The following ZNF804B variants were observed in gnomAD, a reference collection of about 807,000 sequenced individuals.
ZNF804B encodes the protein zinc finger protein 804B.
A neutral mutation model predicts 101.4 loss-of-function variants in ZNF804B; 80 were observed. That is an observed-to-expected ratio of 0.79 (90% CI 0.66 to 0.95). The LOEUF (loss-of-function observed/expected upper bound fraction) is 0.95. Ranked by LOEUF, ZNF804B falls within the 40% of genes least tolerant of loss-of-function variation. The pLI is 0.00. For synonymous variants in ZNF804B, 622 were observed against 558.8 expected (o/e 1.11, Z -1.59); for missense variants, 1,673 against 1,561.9 (o/e 1.07, Z -1.20).
intron 1 of ZNF804B, among the ~76,000 whole-genome samples, chr7:88,916,775 T>C (rs1444294880): frequency 1.3e-5 from 2 of 152,186 alleles, no homozygotes; most frequent in Non-Finnish European, 2.9e-5. Context: ...TTCAAAGACA[T>C]ATTGTAATAT....
At chr7:89,019,610 A>G (rs1584077103) in intron 1 of ZNF804B, among the ~76,000 whole-genome samples, 1 of 152,170 alleles carries the variant, frequency 6.6e-6, no homozygotes, top group East Asian at 1.9e-4. Context: ...TTTGTGGCAC[A>G]ACCATCTCTT....
intron 2 of ZNF804B, among the ~76,000 whole-genome samples, chr7:89,224,624 G>C (rs1789053510): frequency 4.0e-5 from 6 of 151,782 alleles, no homozygotes; most frequent in Admixed American, 3.9e-4. Flanking sequence ...AAAGACTGGA[G>C]TGCCTGGAAT....
chr7:88,877,390 C>G (rs928891729), intron 1 of ZNF804B, among the ~76,000 whole-genome samples: 3 of 151,770 alleles, frequency 2.0e-5, no homozygotes, highest in Non-Finnish European at 4.4e-5. Flanking sequence ...AATTTGGAAA[C>G]AACTGTTAAA....
chr7:88,916,479 C>T (rs774613736), intron 1 of ZNF804B, among the ~76,000 whole-genome samples: 5 of 151,944 alleles, frequency 3.3e-5, no homozygotes, highest in African/African-American at 7.2e-5. Context: ...GCTAGTGAAC[C>T]GTTTAGCAGA....
Position 88,918,357 on chromosome 7 carries a change from C to T in ZNF804B, c.108+158273C>T, listed in dbSNP as rs534009024. 8.3e-4 allele frequency among the ~76,000 whole-genome samples: 126 copies of T among 152,092 alleles called. 11 individuals are homozygous for T. The highest frequency in any genetic ancestry group is 5.8e-4 in the East Asian group (3 of 5,190). On this transcript the variant is annotated intron_variant, in intron 1 of 3. Coordinates refer to ENST00000333190, the MANE Select transcript of ZNF804B (RefSeq NM_181646.5). The stretch of plus-strand genomic sequence containing the variant: ...GTTCAGTTAAGTTATAATTAGGGAA[C>T]TTTAGATCTCTTACTGTCAAGTCAA...
At chr7:89,210,786 A>C (rs780879868) in intron 1 of ZNF804B, among the ~76,000 whole-genome samples, 1 of 152,184 alleles carries the variant, frequency 6.6e-6, no homozygotes, top group Non-Finnish European at 1.5e-5. Context: ...TGCGATTGTG[A>C]ATAGTGCTGC....
chr7:88,853,278 C>G (rs1791472646), intron 1 of ZNF804B, among the ~76,000 whole-genome samples: 1 of 152,064 alleles, frequency 6.6e-6, no homozygotes, highest in Admixed American at 6.6e-5. Flanking sequence ...GTTAGATTTT[C>G]TAACAGCTGA....
intron 1 of ZNF804B, among the ~76,000 whole-genome samples, chr7:88,967,916 A>T (rs1255155689): frequency 6.6e-6 from 1 of 151,250 alleles, no homozygotes; most frequent in African/African-American, 2.4e-5. Context: ...CAGCCATACC[A>T]CCCCAAATAC....
chr7:88,930,153 A>G (rs2116017542), intron 1 of ZNF804B, among the ~76,000 whole-genome samples: 2 of 152,084 alleles, frequency 1.3e-5, no homozygotes, highest in South Asian at 2.1e-4. Flanking sequence ...GGCACCTATA[A>G]TATTACCTAT....
intron 1 of ZNF804B, among the ~76,000 whole-genome samples, chr7:88,978,691 C>T (rs1183809543): frequency 6.6e-6 from 1 of 151,336 alleles, no homozygotes; most frequent in Non-Finnish European, 1.5e-5. Context: ...AATTGGAAAA[C>T]TTAGTCTATT....
chr7:89,292,061 A>C (rs1424935085), intron 2 of ZNF804B, among the ~76,000 whole-genome samples: 4 of 152,180 alleles, frequency 2.6e-5, no homozygotes, highest in African/African-American at 9.6e-5. Context: ...TTCTTCAAAA[A>C]TGAAAGAGAA....
chr7:89,107,241 TATC>T (rs754965648), intron 1 of ZNF804B, among the ~76,000 whole-genome samples: 15 of 152,158 alleles, frequency 9.9e-5, no homozygotes, highest in East Asian at 7.7e-4. Context: ...AACTTTTTGA[TATC>T]ATGCATGATG....
intron 1 of ZNF804B, among the ~76,000 whole-genome samples, chr7:88,923,076 A>G (rs1305415876): frequency 6.6e-6 from 1 of 152,076 alleles, no homozygotes; most frequent in South Asian, 2.1e-4. Flanking sequence ...ATTATGAGGT[A>G]TAGAATATTA....
intron 1 of ZNF804B, among the ~76,000 whole-genome samples, chr7:89,101,640 A>T (rs1174001525): frequency 6.6e-6 from 1 of 151,982 alleles, no homozygotes; most frequent in Non-Finnish European, 1.5e-5. Flanking sequence ...AACTGATGTA[A>T]AGGTAATGTA....
chr7:89,246,389 T>C (rs1789447303), intron 2 of ZNF804B, among the ~76,000 whole-genome samples: 1 of 151,944 alleles, frequency 6.6e-6, no homozygotes, highest in Non-Finnish European at 1.5e-5. Flanking sequence ...AGTCTAGGCA[T>C]TTGGAACACC....
chr7:89,322,323 G>A (rs545678261), intron 2 of ZNF804B, among the ~76,000 whole-genome samples: 5 of 152,196 alleles, frequency 3.3e-5, no homozygotes, highest in Admixed American at 2.0e-4. Context: ...CAGTATAAAC[G>A]TTTCTACAAC....
rs139869508 is a variant in ZNF804B at position 89,248,466 on chromosome 7, GA to G, written c.249+30180del. Among the ~76,000 whole-genome samples, 183 of 140,870 alleles carry G rather than the reference GA, an allele frequency of 1.3e-3. 2 individuals are homozygous for G. The highest frequency in any genetic ancestry group is 1.9e-3 in the Non-Finnish European group (126 of 65,544). 92.4% of individuals were successfully genotyped at this position (140,870 alleles called of 152,430 possible). A position where few individuals can be genotyped will look rare whatever the true frequency, so the allele number is the denominator to read the frequency against. ...TGGAGGCCTATTTTCAGCATTCTTTGAAAAAAAAAGAAAAAAGAAAGAAAGA... is the reference window on the plus strand; with the variant it reads ...TGGAGGCCTATTTTCAGCATTCTTTGAAAAAAAAGAAAAAAGAAAGAAAGA... On this transcript the variant is annotated intron_variant, in intron 2 of 3. Transcript: ENST00000333190.
chr7:88,858,745 A>G (rs1248141802), intron 1 of ZNF804B, among the ~76,000 whole-genome samples: 2 of 152,180 alleles, frequency 1.3e-5, no homozygotes, highest in Non-Finnish European at 2.9e-5. Flanking sequence ...TTTTGGAGAC[A>G]TTTTAGCGTG....
At chr7:89,015,940 T>A (rs980457775) in intron 1 of ZNF804B, among the ~76,000 whole-genome samples, 4 of 151,736 alleles carry the variant, frequency 2.6e-5, no homozygotes, top group African/African-American at 9.7e-5. Flanking sequence ...TGAACTAGTT[T>A]ACAGTCCCAC....
Sources: allele counts gnomAD v4.1 joint callset (sites outside exome capture counted in the v4.1 genomes callset), GRCh38; gene constraint gnomAD v4.1.1; transcripts MANE v1.5; gene names NCBI Gene and HGNC (gene_info 2026-07-23, HGNC 2026-07-21).